The following CFDP1 variants were observed in gnomAD, a reference collection of about 807,000 sequenced individuals.
The protein encoded by CFDP1 is chromatin remodeling protein CFDP1.
A neutral mutation model predicts 40.1 loss-of-function variants in CFDP1; 31 were observed. That is an observed-to-expected ratio of 0.77 (90% CI 0.58 to 1.04). The LOEUF (loss-of-function observed/expected upper bound fraction) is 1.04. CFDP1 is among the 50% of genes least tolerant of loss of function. The pLI is 0.00. For missense variants in CFDP1, 423 were observed against 343.4 expected, an observed-to-expected ratio of 1.23 and a Z score of -1.83; for synonymous variants, 167 against 120.0, an observed-to-expected ratio of 1.39 and a Z score of -2.56.
At chr16:75,430,556 T>C (rs1021635801) in intron 1 of CFDP1, among the ~76,000 whole-genome samples, 1 of 151,994 alleles carries the variant, frequency 6.6e-6, no homozygotes, top group Admixed American at 6.6e-5. Flanking sequence ...CCCCCACCTC[T>C]TGGGTTCAAG....
At chr16:75,427,736 CTAGA>C (rs1424806638) in intron 1 of CFDP1, among the ~76,000 whole-genome samples, 5 of 152,130 alleles carry the variant, frequency 3.3e-5, no homozygotes, top group Admixed American at 2.0e-4. Context: ...AATCCCACTC[CTAGA>C]TATTGACTCA....
intron 4 of CFDP1, among the ~76,000 whole-genome samples, chr16:75,410,715 C>T (rs555609309): frequency 6.6e-4 from 100 of 151,082 alleles, no homozygotes; most frequent in Non-Finnish European, 1.1e-3. Flanking sequence ...GAGACCATCC[C>T]GGCTAACATG....
intron 5 of CFDP1, among the ~76,000 whole-genome samples, chr16:75,333,685 C>T (rs887317952): frequency 3.9e-5 from 6 of 152,126 alleles, no homozygotes; most frequent in African/African-American, 7.2e-5. Flanking sequence ...GCTGAGCCAA[C>T]GGTGATCCCA....
Position 75,293,875 on chromosome 16 carries a change from C to G in CFDP1, c.*77G>C, listed in dbSNP as rs936838062. ...GCTGGGAAACAGATGATGAGAAACA[C>G]TGTAAAACATTTCACAGACGCACAA... On this transcript the variant is annotated 3_prime_UTR_variant, in exon 7 of 7. Transcript: ENST00000283882. 8 of 1,212,138 alleles carry G rather than the reference C, an allele frequency of 6.6e-6. No homozygotes were observed. In the African/African-American group the frequency reaches 1.0e-4, roughly 16 times the overall value. The allele number at this position is 1,212,138 out of a possible 1,614,324, so 75.1% of individuals were successfully genotyped here.
chr16:75,383,265 T>C (rs1194928634), intron 5 of CFDP1, among the ~76,000 whole-genome samples: 1 of 152,202 alleles, frequency 6.6e-6, no homozygotes, highest in Non-Finnish European at 1.5e-5. Flanking sequence ...AGAAGACAGC[T>C]GCTCAGCCTC....
intron 6 of CFDP1, among the ~76,000 whole-genome samples, chr16:75,300,702 T>G (rs1231831641): frequency 6.6e-6 from 1 of 152,184 alleles, no homozygotes; most frequent in African/African-American, 2.4e-5. Context: ...AAAGTTAAGT[T>G]TGATGTGTCT....
chr16:75,433,460 GGGC>G lies in CFDP1; in HGVS notation c.-111_-109del. ...GCCCCGGCGGCGGCGACGGCAGCTA[GGGC>G]GGCCCCCGACAGCGCTTTGCACATG... On this transcript the variant is annotated 5_prime_UTR_variant, in exon 1 of 7. Coordinates refer to ENST00000283882, the MANE Select transcript of CFDP1 (RefSeq NM_006324.3). 1 of 1,096,740 alleles carries G rather than the reference GGGC, an allele frequency of 9.1e-7. No homozygotes were observed. Among genetic ancestry groups the G allele is most frequent in the Non-Finnish European group, 1.3e-6 (1 of 750,414 alleles). 67.9% of individuals were successfully genotyped at this position (1,096,740 alleles called of 1,614,324 possible). A position where few individuals can be genotyped will look rare whatever the true frequency, so the allele number is the denominator to read the frequency against.
intron 5 of CFDP1, among the ~76,000 whole-genome samples, chr16:75,342,810 G>C (rs909513403): frequency 6.6e-6 from 1 of 152,296 alleles, no homozygotes. Context: ...GTACAGTCTG[G>C]AGAAATTTTT....
At chr16:75,297,276 T>C (rs2078190552) in intron 6 of CFDP1, among the ~76,000 whole-genome samples, 1 of 151,700 alleles carries the variant, frequency 6.6e-6, no homozygotes, top group Non-Finnish European at 1.5e-5. Context: ...CGCCTCAGCC[T>C]CCCGAAGTGC....
At position 75,305,027 on chromosome 16, in the gene CFDP1, T is replaced by C. The variant is rs2078247902; in HGVS notation, c.806A>G (p.Glu269Gly). The change falls in exon 6 of 7, where the codon GAG becomes GGG. Residue 269 changes from glutamate (E) to glycine (G), a missense_variant. Coordinates refer to ENST00000283882, the MANE Select transcript of CFDP1 (RefSeq NM_006324.3). ...EELAIHNRGK[E>G]GYIERKAFLD... is the part of the protein sequence containing the mutation. ...CATAAAACCTACTCCTTCTTACCCC[T>C]CTTTCCCTCGATTATGGATGGCCAG... The C allele has an allele frequency of 1.9e-6, 3 of 1,613,858 alleles. No individual in the cohort carries two copies. Among genetic ancestry groups the C allele is most frequent in the Non-Finnish European group, 2.5e-6 (3 of 1,179,876 alleles).
chr16:75,401,074 T>C (rs918826389), intron 4 of CFDP1, among the ~76,000 whole-genome samples: 1 of 152,030 alleles, frequency 6.6e-6, no homozygotes, highest in Non-Finnish European at 1.5e-5. Context: ...GGTGGGCAGA[T>C]AGTGAGGTCA....
intron 5 of CFDP1, among the ~76,000 whole-genome samples, chr16:75,309,445 C>T (rs903203188): frequency 6.6e-6 from 1 of 151,896 alleles, no homozygotes; most frequent in South Asian, 2.1e-4. Context: ...TCAGCACTGG[C>T]TCTCCAGGCA....
intron 5 of CFDP1, among the ~76,000 whole-genome samples, chr16:75,337,236 T>A (rs760194022): frequency 5.9e-5 from 9 of 152,094 alleles, no homozygotes; most frequent in Non-Finnish European, 1.3e-4. Context: ...GCAGGAATGA[T>A]GACACTGGGA....
chr16:75,319,430 C>CA (rs1215848591), intron 5 of CFDP1, among the ~76,000 whole-genome samples: 1 of 152,130 alleles, frequency 6.6e-6, no homozygotes, highest in Non-Finnish European at 1.5e-5. Flanking sequence ...CTTGACACCT[C>CA]AAAGTTACAT....
chr16:75,414,560 C>G lies in CFDP1; in HGVS notation c.182+18G>C, dbSNP rs1195177247. ...GACAATAGCCCCTAACTTCTAAGGG[C>G]CTTGAAGGCAGCATCACCTGGCTGG... On this transcript the variant is annotated intron_variant, in intron 2 of 6. Transcript: ENST00000283882. 3 of 1,471,994 alleles carry G rather than the reference C, an allele frequency of 2.0e-6. No homozygotes were observed. The highest frequency in any genetic ancestry group is 2.9e-6 in the Non-Finnish European group (3 of 1,050,804). The allele number at this position is 1,471,994 out of a possible 1,614,324, so 91.2% of individuals were successfully genotyped here.
At chr16:75,411,702 T>G in intron 4 of CFDP1, 123 bp downstream of exon 4, 3 of 1,006,494 alleles carry the variant, frequency 3.0e-6, no homozygotes, top group Non-Finnish European at 4.4e-6. Context: ...TTTCCTTGAG[T>G]TCAAGTATAA....
At chr16:75,364,722 T>C (rs2078702259) in intron 5 of CFDP1, among the ~76,000 whole-genome samples, 2 of 152,364 alleles carry the variant, frequency 1.3e-5, no homozygotes, top group Admixed American at 1.3e-4. Flanking sequence ...CTACTTATGT[T>C]AACATGTAAT....
chr16:75,414,469 A>G lies in CFDP1; in HGVS notation c.182+109T>C, dbSNP rs575482992. 51 of 681,976 alleles carry G rather than the reference A, an allele frequency of 7.5e-5. 1 individual carries two copies. The African/African-American group carries it at 7.7e-4, about 10-fold the overall frequency. 42.2% of individuals were successfully genotyped at this position (681,976 alleles called of 1,614,324 possible). ...CAGCAAATGTTTCCCTCAAAGAGAA[A>G]AGGGTTAGAAACTCTGGCTTCATTA... On this transcript the variant is annotated intron_variant, in intron 2 of 6. Transcript: ENST00000283882.
At chr16:75,383,812 C>T (rs1165549136) in intron 5 of CFDP1, among the ~76,000 whole-genome samples, 10 of 95,492 alleles carry the variant, frequency 1.0e-4, no homozygotes, top group East Asian at 5.5e-4. Context: ...AGCGAGACTC[C>T]GTCTTAAAAA....
Sources: gnomAD v4.1 joint callset for allele counts (sites outside exome capture counted in the v4.1 genomes callset) on GRCh38, gnomAD v4.1.1 for gene constraint, MANE v1.5 for transcripts, NCBI Gene and HGNC (gene_info 2026-07-23, HGNC 2026-07-21) for gene names.